ANKRD17: variants seen among roughly 807,000 people sequenced by gnomAD.
The protein encoded by ANKRD17 is ankyrin repeat domain-containing protein 17.
Under a neutral mutation model 229.7 loss-of-function variants are expected in ANKRD17, and 19 were observed. That is an observed-to-expected ratio of 0.08 (90% CI 0.06 to 0.12). The LOEUF is 0.12. Among genes scored for constraint, ANKRD17 ranks in the 10% least tolerant of loss-of-function variants. ANKRD17 has a pLI of 1.00. For missense variants in ANKRD17, 2,176 were observed against 3,176.8 expected (o/e 0.68, Z 7.57); for synonymous variants, 1,112 against 1,146.1 (o/e 0.97, Z 0.60).
rs931017663 is a variant in ANKRD17, at chr4:73,076,003, G to T, written c.*228C>A. 5 of 402,220 alleles carry T rather than the reference G, an allele frequency of 1.2e-5. No homozygotes were observed. Among genetic ancestry groups the T allele is most frequent in the Non-Finnish European group, 2.2e-5 (5 of 222,526 alleles). The allele number at this position is 402,220 out of a possible 1,614,324, so 24.9% of individuals were successfully genotyped here. A position where few individuals can be genotyped will look rare whatever the true frequency, so the allele number is the denominator to read the frequency against. On this transcript the variant is annotated 3_prime_UTR_variant, in exon 34 of 34. Coordinates refer to ENST00000358602, the MANE Select transcript of ANKRD17 (RefSeq NM_032217.5). Reference sequence around the variant, plus strand: ...AAAGGGGAAGAGGGAAAGAAAAAAAGAAAAATGATAAGAAAAATGCTAACT... The same window carrying T: ...AAAGGGGAAGAGGGAAAGAAAAAAATAAAAATGATAAGAAAAATGCTAACT...
At chr4:73,140,319 G>A in intron 14 of ANKRD17, 36 bp from the exon 15 acceptor site, 1 of 1,536,178 alleles carries the variant, frequency 6.5e-7, no homozygotes. Flanking sequence ...AAGTGCACAT[G>A]AATGGCATCC....
chr4:73,083,938 A>C (rs1292797159), intron 30 of ANKRD17, among the ~76,000 whole-genome samples: 3 of 151,622 alleles, frequency 2.0e-5, no homozygotes, highest in Non-Finnish European at 4.4e-5. Context: ...GTTAAAAAAA[A>C]AAACAAAACA....
chr4:73,158,152 A>AAAGAAAG (rs1731954360), intron 3 of ANKRD17, among the ~76,000 whole-genome samples: 2 of 128,708 alleles, frequency 1.6e-5, no homozygotes, highest in South Asian at 5.5e-4. Flanking sequence ...GAAAGGAAGA[A>AAAGAAAG]AAAGAAAGAA....
chr4:73,180,494 A>G (rs1414763698), intron 1 of ANKRD17, among the ~76,000 whole-genome samples: 4 of 152,130 alleles, frequency 2.6e-5, no homozygotes, highest in African/African-American at 9.7e-5. Flanking sequence ...TCTTGATGAG[A>G]TATAATAAAC....
chr4:73,076,838 A>G, intron 33 of ANKRD17, 102 bp downstream of exon 33: 1 of 1,370,792 alleles, frequency 7.3e-7, no homozygotes, highest in South Asian at 1.5e-5. Flanking sequence ...AACTGCCCAT[A>G]TTCACCAAAC....
chr4:73,179,484 GTGTGTATATATA>G (rs1311404359), intron 1 of ANKRD17, among the ~76,000 whole-genome samples: 1 of 65,686 alleles, frequency 1.5e-5, no homozygotes, highest in African/African-American at 6.2e-5. Flanking sequence ...GTGTGTGTGT[GTGTGTATATATA>G]TATATATATA....
chr4:73,085,668 T>TC (rs1380843466), intron 29 of ANKRD17, among the ~76,000 whole-genome samples: 1 of 141,840 alleles, frequency 7.1e-6, no homozygotes, highest in East Asian at 2.1e-4. Context: ...GGGCAACACA[T>TC]CGAGACCCCA....
At position 73,121,772 on chromosome 4, in the gene ANKRD17, T is replaced by A. The variant is rs1348316872; in HGVS notation, c.3493-13A>T. 2.5e-6 allele frequency: 4 copies of A among 1,570,314 alleles called. No individual in the cohort carries two copies. Among genetic ancestry groups the A allele is most frequent in the Admixed American group, 2.1e-5 (1 of 47,378 alleles). On this transcript the variant is annotated splice_polypyrimidine_tract_variant and intron_variant, in intron 18 of 33. Coordinates refer to ENST00000358602, the MANE Select transcript of ANKRD17 (RefSeq NM_032217.5). ...ATAGCTCCACCACCTGAAAATAAAA[T>A]AGAAAAAAATATGTTTTCTTATGGA...
At position 73,090,934 on chromosome 4, in the gene ANKRD17, T is replaced by C; in HGVS notation, c.6694A>G (p.Asn2232Asp). Residue 2232 changes from asparagine (N) to aspartate (D), a missense_variant, in exon 29 of 34, where the codon AAT becomes GAT. By Grantham distance (23) the Asn-to-Asp change is conservative. Around this residue, in one of 18 missense-constraint regions of ANKRD17, gnomAD observed 424 missense variants for 454.0 expected, o/e 0.93. Transcript: ENST00000358602. The part of the protein sequence containing the change: ...STLSTQSACQ[N>D]SVHPANKPIA... ...GGCTTATTTGCTGGATGTACTGAAT[T>C]CTGACAAGCACTTTGTGTACTTAAG... The C allele has an allele frequency of 6.2e-7, 1 of 1,614,244 alleles. No homozygotes were observed. Among genetic ancestry groups the C allele is most frequent in the Non-Finnish European group, 8.5e-7 (1 of 1,180,046 alleles).
At chr4:73,144,857 T>A in intron 10 of ANKRD17, 25 bp from the exon 11 acceptor site, 1 of 1,334,368 alleles carries the variant, frequency 7.5e-7, no homozygotes, top group South Asian at 1.3e-5. Context: ...AAAAAAAGAC[T>A]TGACATTTAA....
chr4:73,086,940 A>ATATATATC (rs1722244495), intron 29 of ANKRD17, among the ~76,000 whole-genome samples: 1 of 85,308 alleles, frequency 1.2e-5, no homozygotes, highest in Non-Finnish European at 2.3e-5. Flanking sequence ...ATATATATAT[A>ATATATATC]TATATATATA....
At chr4:73,220,147 C>T (rs1461875720) in intron 1 of ANKRD17, among the ~76,000 whole-genome samples, 3 of 152,042 alleles carry the variant, frequency 2.0e-5, no homozygotes, top group Admixed American at 1.3e-4. Flanking sequence ...TCTATTGTTA[C>T]ACATAATTTT....
At chr4:73,081,434 A>C (rs1333424513) in intron 30 of ANKRD17, among the ~76,000 whole-genome samples, 2 of 152,154 alleles carry the variant, frequency 1.3e-5, no homozygotes, top group African/African-American at 2.4e-5. Flanking sequence ...GCCTTATATA[A>C]ACATCATTTT....
At chr4:73,103,078 T>C (rs988105582) in intron 24 of ANKRD17, among the ~76,000 whole-genome samples, 2 of 151,882 alleles carry the variant, frequency 1.3e-5, no homozygotes, top group South Asian at 2.1e-4. Context: ...ATAATGGCAA[T>C]ACATGGAAAC....
chr4:73,250,600 A>AAAAAAAAAAAAAC (rs1744916762), intron 1 of ANKRD17, among the ~76,000 whole-genome samples: 1 of 146,538 alleles, frequency 6.8e-6, no homozygotes, highest in Non-Finnish European at 1.5e-5. Flanking sequence ...AAAAAAAAAA[A>AAAAAAAAAAAAAC]AAAAAAAAAA....
chr4:73,098,900 G>A (rs1237380299), intron 25 of ANKRD17: 3 of 1,159,182 alleles, frequency 2.6e-6, no homozygotes, highest in African/African-American at 3.0e-5. Flanking sequence ...GCGGGGCCGG[G>A]GCAGGCCCCG....
chr4:73,122,113 T>C (rs1020925754), intron 18 of ANKRD17, among the ~76,000 whole-genome samples: 1 of 152,196 alleles, frequency 6.6e-6, no homozygotes, highest in Admixed American at 6.5e-5. Context: ...TACATGTGAA[T>C]GTATTTAACA....
At position 73,204,409 on chromosome 4, in the gene ANKRD17, C is replaced by A. The variant is rs118132845; in HGVS notation, c.394-26876G>T. Among the ~76,000 whole-genome samples, 77 of 147,598 alleles carry A rather than the reference C, an allele frequency of 5.2e-4. 2 individuals are homozygous for A. In the East Asian group the frequency reaches 9.4e-3, roughly 18 times the overall value. ...AGAAAAGAAAAGAAAAACAATCTTT[C>A]TTTCAACAAAGTTTTCAATATGCAG... On this transcript the variant is annotated intron_variant, in intron 1 of 33. Transcript: ENST00000358602.
intron 1 of ANKRD17, among the ~76,000 whole-genome samples, chr4:73,241,824 C>A (rs900759383): frequency 3.3e-5 from 5 of 152,002 alleles, no homozygotes; most frequent in Non-Finnish European, 7.4e-5. Flanking sequence ...TAAAATAATT[C>A]ATCATACCAA....
Sources: allele counts gnomAD v4.1 joint callset (sites outside exome capture counted in the v4.1 genomes callset), GRCh38; gene constraint gnomAD v4.1.1; regional missense constraint gnomAD v4.1.1; transcripts MANE v1.5; gene names NCBI Gene and HGNC (gene_info 2026-07-23, HGNC 2026-07-21).